CCSER1: variants seen among roughly 807,000 people sequenced by gnomAD.
CCSER1 encodes the protein coiled-coil serine rich protein 1, also known as serine-rich coiled-coil domain-containing protein 1.
Under a neutral mutation model 82.0 loss-of-function variants are expected in CCSER1, and 41 were observed. The observed-to-expected ratio is 0.50, with a 90% CI of 0.39 to 0.65. The LOEUF (loss-of-function observed/expected upper bound fraction) is 0.65. Among genes scored for constraint, CCSER1 ranks in the 30% least tolerant of loss-of-function variants. The probability of loss-of-function intolerance (pLI) is 0.00; values close to 1 mark genes in which losing one functional copy is unlikely to be tolerated. For missense variants in CCSER1, 1,119 were observed against 1,064.2 expected (o/e 1.05, Z -0.72); for synonymous variants, 414 against 383.9 (o/e 1.08, Z -0.92).
intron 6 of CCSER1, among the ~76,000 whole-genome samples, chr4:90,717,793 A>G (rs983729656): frequency 6.6e-6 from 1 of 150,472 alleles, no homozygotes; most frequent in Non-Finnish European, 1.5e-5. Context: ...GTGTATATAT[A>G]TATATGTGTA....
In CCSER1 at chr4:91,225,194, A is replaced by G. The variant is rs1307700545; in HGVS notation, c.2217+139200A>G. Among the ~76,000 whole-genome samples, 4 of 142,572 alleles carry G rather than the reference A, an allele frequency of 2.8e-5. No homozygotes were observed. The East Asian group carries it at 8.0e-4, about 28-fold the overall frequency. The allele number at this position is 142,572 out of a possible 152,430, so 93.5% of individuals were successfully genotyped here. On this transcript the variant is annotated intron_variant, in intron 10 of 10. Coordinates refer to ENST00000509176, the MANE Select transcript of CCSER1 (RefSeq NM_001145065.2). ...TGTGTGTATATATGTATATAATTATATATAATATATATAATATATAATTGT... is the reference window on the plus strand; with the variant it reads ...TGTGTGTATATATGTATATAATTATGTATAATATATATAATATATAATTGT...
intron 5 of CCSER1, among the ~76,000 whole-genome samples, chr4:90,496,012 A>AT (rs1359888047): frequency 2.0e-5 from 3 of 152,200 alleles, no homozygotes; most frequent in Non-Finnish European, 4.4e-5. Flanking sequence ...TATTATGGTT[A>AT]TTTGCTCAGA....
intron 10 of CCSER1, among the ~76,000 whole-genome samples, chr4:91,308,303 G>C (rs530502832): frequency 2.0e-4 from 30 of 151,896 alleles, no homozygotes; most frequent in Non-Finnish European, 3.8e-4. Context: ...ACTCTTCCCT[G>C]AAGGCACAAA....
chr4:91,119,994 G>T (rs895742222), intron 10 of CCSER1, among the ~76,000 whole-genome samples: 21 of 151,948 alleles, frequency 1.4e-4, no homozygotes, highest in African/African-American at 4.6e-4. Context: ...TAATTTTAAA[G>T]ATAATAAAAC....
At chr4:90,507,917 GATATTTT>G (rs1295545435) in intron 5 of CCSER1, among the ~76,000 whole-genome samples, 3 of 151,784 alleles carry the variant, frequency 2.0e-5, no homozygotes, top group Admixed American at 2.0e-4. Context: ...ATTTTATATA[GATATTTT>G]ATATTTTATA....
At chr4:91,475,965 G>A (rs1757570465) in intron 10 of CCSER1, among the ~76,000 whole-genome samples, 1 of 151,774 alleles carries the variant, frequency 6.6e-6, no homozygotes, top group Non-Finnish European at 1.5e-5. Context: ...TGCTGCAAAT[G>A]ACAGGATTTC....
intron 3 of CCSER1, among the ~76,000 whole-genome samples, chr4:90,352,425 C>T (rs1743635200): frequency 6.6e-6 from 1 of 152,014 alleles, no homozygotes; most frequent in Non-Finnish European, 1.5e-5. Flanking sequence ...GCACTATGGG[C>T]AGTCCAGGTG....
At chr4:90,437,072 C>A (rs1759118078) in intron 4 of CCSER1, among the ~76,000 whole-genome samples, 1 of 152,156 alleles carries the variant, frequency 6.6e-6, no homozygotes, top group Non-Finnish European at 1.5e-5. Context: ...CCACCTGCCT[C>A]AGCCTCCCAA....
chr4:91,025,018 G>A (rs1313543552), intron 9 of CCSER1, among the ~76,000 whole-genome samples: 1 of 152,106 alleles, frequency 6.6e-6, no homozygotes, highest in Non-Finnish European at 1.5e-5. Context: ...TTACAAAGGA[G>A]TCTGTCCTGT....
chr4:91,009,081 A>G (rs564350468), intron 9 of CCSER1, among the ~76,000 whole-genome samples: 1 of 152,296 alleles, frequency 6.6e-6, no homozygotes, highest in African/African-American at 2.4e-5. Flanking sequence ...ACACCCTGGG[A>G]CAACCTGCCA....
At chr4:90,332,139 T>C (rs971864025) in intron 3 of CCSER1, among the ~76,000 whole-genome samples, 1 of 152,174 alleles carries the variant, frequency 6.6e-6, no homozygotes, top group African/African-American at 2.4e-5. Context: ...TCTTTTACTT[T>C]AAAGAAAAAG....
intron 4 of CCSER1, among the ~76,000 whole-genome samples, chr4:90,448,318 A>G (rs1392144292): frequency 6.6e-6 from 1 of 151,396 alleles, no homozygotes; most frequent in Non-Finnish European, 1.5e-5. Context: ...TCTTATTTAT[A>G]TGTACTTGCT....
chr4:90,534,441 T>TTTTGTGTGTG (rs1553935627), intron 5 of CCSER1, among the ~76,000 whole-genome samples: 1 of 136,394 alleles, frequency 7.3e-6, no homozygotes, highest in African/African-American at 2.7e-5. Context: ...TGCCAGCCTT[T>TTTTGTGTGTG]TGTGTGTGTG....
At chr4:91,500,075 T>G (rs2110091223) in intron 10 of CCSER1, among the ~76,000 whole-genome samples, 1 of 152,130 alleles carries the variant, frequency 6.6e-6, no homozygotes, top group Admixed American at 6.6e-5. Context: ...GGCAGTGCCA[T>G]TTTGTATTTA....
intron 10 of CCSER1, among the ~76,000 whole-genome samples, chr4:91,330,228 A>T (rs1249092207): frequency 2.0e-5 from 3 of 152,150 alleles, no homozygotes; most frequent in Admixed American, 6.6e-5. Context: ...AATACATTTA[A>T]TTTTTTCTCT....
chr4:90,208,000 C>G (rs565175253), intron 1 of CCSER1, among the ~76,000 whole-genome samples: 1 of 152,306 alleles, frequency 6.6e-6, no homozygotes, highest in South Asian at 2.1e-4. Context: ...AGGAAGCAAT[C>G]TGTCCCTTAG....
chr4:91,033,648 C>T (rs1305902219), intron 9 of CCSER1, among the ~76,000 whole-genome samples: 1 of 152,088 alleles, frequency 6.6e-6, no homozygotes, highest in Non-Finnish European at 1.5e-5. Flanking sequence ...CTACTCTGTG[C>T]CACAGGATAG....
chr4:91,422,524 G>T (rs1753738050), intron 10 of CCSER1, among the ~76,000 whole-genome samples: 1 of 152,110 alleles, frequency 6.6e-6, no homozygotes, highest in Non-Finnish European at 1.5e-5. Context: ...TTTCCATGTG[G>T]ATTTGCAAAC....
At position 90,174,626 on chromosome 4, in the gene CCSER1, A is replaced by G. The variant is rs1433945308; in HGVS notation, c.-42+46795A>G. On this transcript the variant is annotated intron_variant, in intron 1 of 10. Transcript: ENST00000509176. ...CAAGAAATTGCAATACAGAGTACCG[A>G]GGAAGGAAGAGCTGCACTCGAAGAA... is the stretch of plus-strand genomic sequence containing the variant. Among the ~76,000 whole-genome samples the G allele has an allele frequency of 2.0e-5, 3 of 151,964 alleles. No individual in the cohort carries two copies. In the East Asian group the frequency reaches 5.8e-4, roughly 29 times the overall value.
Sources: allele counts gnomAD v4.1 joint callset (sites outside exome capture counted in the v4.1 genomes callset), GRCh38; gene constraint gnomAD v4.1.1; transcripts MANE v1.5; gene names NCBI Gene and HGNC (gene_info 2026-07-23, HGNC 2026-07-21).